Variants in KITLG observed in about 807,000 individuals in gnomAD.
The protein encoded by KITLG is c-Kit ligand.
Under a neutral mutation model 34.1 loss-of-function variants are expected in KITLG, and 13 were observed. The observed-to-expected ratio is 0.38, with a 90% CI of 0.25 to 0.61. KITLG has a LOEUF of 0.61. KITLG is among the 20% of genes least tolerant of loss of function. The pLI, the probability that KITLG is intolerant of heterozygous loss-of-function variation, is 0.60. For missense variants in KITLG, 292 were observed against 318.9 expected (o/e 0.92, Z 0.64); for synonymous variants, 110 against 104.0 (o/e 1.06, Z -0.35).
intron 9 of KITLG, among the ~76,000 whole-genome samples, chr12:88,504,658 T>C (rs1454892355): frequency 6.6e-6 from 1 of 152,160 alleles, no homozygotes; most frequent in Non-Finnish European, 1.5e-5. Context: ...ACTTTTACAC[T>C]GTTGGTGGGA....
chr12:88,560,990 AAAAG>A (rs1566034788), intron 1 of KITLG, among the ~76,000 whole-genome samples: 1 of 150,302 alleles, frequency 6.7e-6, no homozygotes, highest in African/African-American at 2.4e-5. Flanking sequence ...AAAAAAAAAA[AAAAG>A]AAAGAAAGAA....
intron 3 of KITLG, among the ~76,000 whole-genome samples, chr12:88,527,914 C>T (rs532145552): frequency 6.6e-6 from 1 of 152,158 alleles, no homozygotes; most frequent in South Asian, 2.1e-4. Context: ...AATGTCAGTG[C>T]CATAAAGACA....
intron 1 of KITLG, among the ~76,000 whole-genome samples, chr12:88,546,380 G>A (rs35618688): frequency 0.034 from 5,228 of 152,246 alleles, 150 homozygotes; most frequent in Non-Finnish European, 0.055. Context: ...CTGAATTTGT[G>A]AGACATCAAA....
At chr12:88,555,465 T>A (rs755556097) in intron 1 of KITLG, among the ~76,000 whole-genome samples, 1 of 152,182 alleles carries the variant, frequency 6.6e-6, no homozygotes, top group Non-Finnish European at 1.5e-5. Context: ...ACCTACACTA[T>A]CTATGCTGGA....
intron 1 of KITLG, among the ~76,000 whole-genome samples, chr12:88,574,097 G>A (rs568996355): frequency 1.3e-5 from 2 of 149,734 alleles, no homozygotes; most frequent in South Asian, 4.2e-4. Context: ...CTAGACTATT[G>A]CCTCAATTCT....
chr12:88,564,902 A>C (rs961769499), intron 1 of KITLG, among the ~76,000 whole-genome samples: 1 of 152,216 alleles, frequency 6.6e-6, no homozygotes, highest in Non-Finnish European at 1.5e-5. Context: ...ATTGTAAAGC[A>C]GTAGTATTAC....
chr12:88,543,647 C>A (rs754872967), intron 2 of KITLG, among the ~76,000 whole-genome samples: 1 of 152,138 alleles, frequency 6.6e-6, no homozygotes, highest in Non-Finnish European at 1.5e-5. Flanking sequence ...ACTCACCCAG[C>A]AAACATTTAA....
chr12:88,526,173 G>T (rs979138199), intron 3 of KITLG, among the ~76,000 whole-genome samples: 1 of 152,130 alleles, frequency 6.6e-6, no homozygotes, highest in Non-Finnish European at 1.5e-5. Context: ...CTGGCTCTCA[G>T]CCTTTAGTAA....
At chr12:88,518,359 A>C (rs900508050) in intron 4 of KITLG, among the ~76,000 whole-genome samples, 1 of 152,162 alleles carries the variant, frequency 6.6e-6, no homozygotes, top group African/African-American at 2.4e-5. Flanking sequence ...ATTACAGACA[A>C]TTTTCCATTT....
chr12:88,520,377 C>A (rs1869614648), intron 3 of KITLG, among the ~76,000 whole-genome samples: 1 of 152,172 alleles, frequency 6.6e-6, no homozygotes, highest in Admixed American at 6.6e-5. Context: ...ACCGTCAGCC[C>A]TATCAACAAT....
chr12:88,501,163 T>C (rs1868841627), intron 9 of KITLG, among the ~76,000 whole-genome samples: 1 of 152,160 alleles, frequency 6.6e-6, no homozygotes, highest in African/African-American at 2.4e-5. Context: ...AGTTAAGATA[T>C]TAAACCCTCC....
At chr12:88,577,982 A>G (rs1235832601) in intron 1 of KITLG, among the ~76,000 whole-genome samples, 1 of 152,228 alleles carries the variant, frequency 6.6e-6, no homozygotes, top group Non-Finnish European at 1.5e-5. Flanking sequence ...TTTATAAATG[A>G]CTATTTAAAC....
chr12:88,504,945 G>A (rs997436421), intron 9 of KITLG, among the ~76,000 whole-genome samples: 3 of 141,292 alleles, frequency 2.1e-5, no homozygotes, highest in African/African-American at 7.9e-5. Flanking sequence ...ACAGGGTAGG[G>A]AACACCACAC....
intron 8 of KITLG, among the ~76,000 whole-genome samples, chr12:88,505,987 C>A (rs575424231): frequency 6.6e-6 from 1 of 152,314 alleles, no homozygotes; most frequent in African/African-American, 2.4e-5. Context: ...AAAGACAGAA[C>A]ATGAGCAAAT....
intron 6 of KITLG, among the ~76,000 whole-genome samples, chr12:88,514,156 T>G (rs1434312875): frequency 2.0e-5 from 3 of 151,548 alleles, no homozygotes; most frequent in African/African-American, 4.8e-5. Context: ...AACACAAAAA[T>G]GTGTGAGGTG....
Position 88,532,513 on chromosome 12 carries a change from C to CAAAA in KITLG, c.130-14_130-11dup. 1 of 1,307,910 alleles carries CAAAA rather than the reference C, an allele frequency of 7.6e-7. No homozygotes were observed. The highest frequency in any genetic ancestry group is 1.4e-5 in the South Asian group (1 of 69,662). 81.0% of individuals were successfully genotyped at this position (1,307,910 alleles called of 1,614,324 possible). Reference sequence around the variant, plus strand: ...TTGGAAGATTTGCCACCTACAGAGACAAAAAAAAAAATTCCATAAGAAAAT... The same window carrying CAAAA: ...TTGGAAGATTTGCCACCTACAGAGACAAAAAAAAAAAAAAATTCCATAAGAAAAT... On this transcript the variant is annotated splice_polypyrimidine_tract_variant and intron_variant, in intron 2 of 9. Coordinates refer to ENST00000644744, the MANE Select transcript of KITLG (RefSeq NM_000899.5).
intron 3 of KITLG, among the ~76,000 whole-genome samples, chr12:88,521,832 A>G (rs940479496): frequency 1.3e-5 from 2 of 152,112 alleles, no homozygotes; most frequent in African/African-American, 4.8e-5. Context: ...CTTCTGTCTT[A>G]TGTTTTCTTG....
At chr12:88,577,663 G>C (rs1017534048) in intron 1 of KITLG, among the ~76,000 whole-genome samples, 1 of 152,064 alleles carries the variant, frequency 6.6e-6, no homozygotes, top group African/African-American at 2.4e-5. Context: ...AAATTCAAAA[G>C]ACATTCATTT....
intron 1 of KITLG, among the ~76,000 whole-genome samples, chr12:88,575,746 T>A (rs1187019190): frequency 6.6e-6 from 1 of 151,992 alleles, no homozygotes; most frequent in African/African-American, 2.4e-5. Context: ...TGCTCATGAT[T>A]TATGTGCTAG....
Sources: allele counts gnomAD v4.1 joint callset (sites outside exome capture counted in the v4.1 genomes callset), GRCh38; gene constraint gnomAD v4.1.1; transcripts MANE v1.5; gene names NCBI Gene and HGNC (gene_info 2026-07-23, HGNC 2026-07-21).